Variants in UTRN observed in about 807,000 individuals in gnomAD.
The protein encoded by UTRN is utrophin, also known as dystrophin-related protein 1.
UTRN carries 283 observed loss-of-function variants against 463.9 expected under a neutral mutation model. The ratio of observed to expected loss-of-function variants is 0.61; its 90% CI spans 0.55 to 0.67. The LOEUF (loss-of-function observed/expected upper bound fraction) is 0.67. UTRN is among the 30% of genes least tolerant of loss of function. The probability of loss-of-function intolerance (pLI) is 0.00; values close to 1 mark genes in which losing one functional copy is unlikely to be tolerated. For missense variants in UTRN, 3,922 were observed against 4,084.3 expected (o/e 0.96, Z 1.08); for synonymous variants, 1,442 against 1,431.5 (o/e 1.01, Z -0.17).
chr6:144,383,293 C>G (rs995846179), intron 2 of UTRN, among the ~76,000 whole-genome samples: 1 of 152,154 alleles, frequency 6.6e-6, no homozygotes, highest in Non-Finnish European at 1.5e-5. Context: ...ACTTGTAGAC[C>G]AGAAATACTC....
At chr6:144,622,603 A>G (rs1433541345) in intron 51 of UTRN, among the ~76,000 whole-genome samples, 2 of 152,204 alleles carry the variant, frequency 1.3e-5, no homozygotes, top group Non-Finnish European at 1.5e-5. Context: ...TTGGTTTACT[A>G]TTTTAGATGG....
At chr6:144,697,974 G>A (rs1297095247) in intron 52 of UTRN, among the ~76,000 whole-genome samples, 1 of 152,088 alleles carries the variant, frequency 6.6e-6, no homozygotes, top group Non-Finnish European at 1.5e-5. Context: ...GAAATAAAAG[G>A]GCAGGGAACA....
chr6:144,478,786 G>A (rs952600820), intron 25 of UTRN, among the ~76,000 whole-genome samples: 3 of 152,168 alleles, frequency 2.0e-5, no homozygotes, highest in African/African-American at 7.2e-5. Context: ...AGTAGAGGTT[G>A]GACTGTGACT....
chr6:144,638,682 G>C (rs980498899), intron 51 of UTRN, among the ~76,000 whole-genome samples: 2 of 152,136 alleles, frequency 1.3e-5, no homozygotes, highest in African/African-American at 4.8e-5. Context: ...TTACTAAATA[G>C]TGCTCTGAGT....
chr6:144,511,908 C>G (rs1050267632), intron 35 of UTRN, among the ~76,000 whole-genome samples: 1 of 151,856 alleles, frequency 6.6e-6, no homozygotes, highest in Non-Finnish European at 1.5e-5. Context: ...TTCTGAAATA[C>G]CTGAGATAGG....
intron 48 of UTRN, among the ~76,000 whole-genome samples, chr6:144,552,751 G>A (rs371323130): frequency 6.6e-6 from 1 of 152,226 alleles, no homozygotes; most frequent in East Asian, 1.9e-4. Flanking sequence ...GGGATAATTT[G>A]CCTATTTCTT....
At chr6:144,726,872 A>G (rs1352032371) in intron 53 of UTRN, among the ~76,000 whole-genome samples, 2 of 152,226 alleles carry the variant, frequency 1.3e-5, no homozygotes, top group Non-Finnish European at 2.9e-5. Context: ...AATTCCATCC[A>G]TAAAGGAAGT....
chr6:144,644,459 G>C (rs1778087917), intron 51 of UTRN, among the ~76,000 whole-genome samples: 1 of 152,008 alleles, frequency 6.6e-6, no homozygotes, highest in Admixed American at 6.6e-5. Context: ...ATATGATTTA[G>C]TTTTACAAAC....
At position 144,557,254 on chromosome 6, in the gene UTRN, G is replaced by A; in HGVS notation, c.7232G>A (p.Arg2411Lys). ...GAGGAATATGGGAGTGATGACACAA[G>A]GAATGTGAAAGAAACCACAGAGTAC... is the stretch of plus-strand genomic sequence containing the variant. ...LLEEYGSDDT[R>K]NVKETTEYLK... Residue 2411 changes from arginine to lysine, a missense_variant, in exon 50 of 75, where the codon AGG becomes AAG. Physicochemically the swap from Arg to Lys is conservative, Grantham distance 26. Transcript: ENST00000367545. The A allele has an allele frequency of 2.5e-6, 4 of 1,613,856 alleles. No individual in the cohort carries two copies. The highest frequency in any genetic ancestry group is 3.4e-6 in the Non-Finnish European group (4 of 1,179,848).
intron 22 of UTRN, among the ~76,000 whole-genome samples, chr6:144,462,438 G>C (rs1789516979): frequency 6.6e-6 from 1 of 152,128 alleles, no homozygotes; most frequent in Non-Finnish European, 1.5e-5. Context: ...TGAGATTGCT[G>C]GGTCAAATGG....
chr6:144,321,461 C>CTTTTTTTT (rs529134208), intron 2 of UTRN, among the ~76,000 whole-genome samples: 2 of 100,444 alleles, frequency 2.0e-5, no homozygotes, highest in Admixed American at 1.2e-4. Context: ...TGTGCCATAT[C>CTTTTTTTT]TTTTTTTTTT....
At chr6:144,704,445 A>G (rs1257440464) in intron 53 of UTRN, among the ~76,000 whole-genome samples, 1 of 151,908 alleles carries the variant, frequency 6.6e-6, no homozygotes, top group Non-Finnish European at 1.5e-5. Context: ...TATACAAAAA[A>G]CCCTCCAGTT....
chr6:144,819,852 CCTT>C (rs1210164511), intron 65 of UTRN, among the ~76,000 whole-genome samples: 2 of 140,512 alleles, frequency 1.4e-5, no homozygotes, highest in African/African-American at 6.3e-5. Flanking sequence ...GTTTCTCTCT[CCTT>C]CTCCCCTTCT....
chr6:144,758,524 T>G (rs1164634064), intron 58 of UTRN, among the ~76,000 whole-genome samples: 1 of 152,168 alleles, frequency 6.6e-6, no homozygotes, highest in African/African-American at 2.4e-5. Context: ...CTTATAGAAG[T>G]TATCTGCATT....
In UTRN at chr6:144,462,850, C is replaced by T. The variant is rs1789558622; in HGVS notation, c.3050C>T (p.Thr1017Ile). ...CATTTGCTTGAGGAAATTGCTCTCA[C>T]ACTCAGAGCTTTTGAGGTAAATCCA... ...DLHLLEEIAL[T>I]LRAFEADSTV... Residue 1017 changes from threonine to isoleucine, a missense_variant, in exon 23 of 75, where the codon ACA becomes ATA. Physicochemically the swap from Thr to Ile is moderately conservative, Grantham distance 89 (BLOSUM62 -1). Transcript: ENST00000367545. 10 of 1,603,822 alleles carry T rather than the reference C, an allele frequency of 6.2e-6. No individual in the cohort carries two copies. The highest frequency in any genetic ancestry group is 8.5e-6 in the Non-Finnish European group (10 of 1,177,988).
chr6:144,692,310 T>C (rs1160300909), intron 52 of UTRN, among the ~76,000 whole-genome samples: 1 of 152,240 alleles, frequency 6.6e-6, no homozygotes, highest in Admixed American at 6.5e-5. Flanking sequence ...GCATTTAAGT[T>C]GATTCCATGT....
intron 2 of UTRN, among the ~76,000 whole-genome samples, chr6:144,346,715 T>C (rs1777598211): frequency 6.6e-6 from 1 of 152,018 alleles, no homozygotes; most frequent in Admixed American, 6.5e-5. Flanking sequence ...CCCAGCTACT[T>C]GGGAGGCTGA....
At chr6:144,445,634 A>G (rs1298764327) in intron 14 of UTRN, among the ~76,000 whole-genome samples, 1 of 151,832 alleles carries the variant, frequency 6.6e-6, no homozygotes, top group Non-Finnish European at 1.5e-5. Flanking sequence ...TGATTTATGA[A>G]ATGTTTACAT....
At chr6:144,466,865 C>G (rs542339170) in intron 23 of UTRN, among the ~76,000 whole-genome samples, 2 of 152,340 alleles carry the variant, frequency 1.3e-5, no homozygotes, top group East Asian at 3.9e-4. Flanking sequence ...TTCCAGCGCT[C>G]CTGCCTTTTC....
Sources: gnomAD v4.1 joint callset for allele counts (sites outside exome capture counted in the v4.1 genomes callset) on GRCh38, gnomAD v4.1.1 for gene constraint, MANE v1.5 for transcripts, NCBI Gene and HGNC (gene_info 2026-07-23, HGNC 2026-07-21) for gene names.